UGT1A5: variants seen among roughly 807,000 people sequenced by gnomAD.
The protein encoded by UGT1A5 is UDP glucuronosyltransferase family 1 member A5, also known as UDP-glucuronosyltransferase 1A5.
UGT1A5 carries 29 observed loss-of-function variants against 40.3 expected under a neutral mutation model. That is an observed-to-expected ratio of 0.72 (90% CI 0.54 to 0.98). The LOEUF is 0.98. Among genes scored for constraint, UGT1A5 ranks in the 50% least tolerant of loss-of-function variants. The probability of loss-of-function intolerance (pLI) is 0.00; values close to 1 mark genes in which losing one functional copy is unlikely to be tolerated. For missense variants in UGT1A5, 678 were observed against 677.9 expected, an observed-to-expected ratio of 1.00 and a Z score of 0.00; for synonymous variants, 257 against 262.5, an observed-to-expected ratio of 0.98 and a Z score of 0.20.
At chr2:233,726,272 G>A (rs896187781) in intron 1 of UGT1A5, among the ~76,000 whole-genome samples, 1 of 152,166 alleles carries the variant, frequency 6.6e-6, no homozygotes, top group African/African-American at 2.4e-5. Flanking sequence ...ATGCGCCTAT[G>A]GTCCCAGGTA....
At chr2:233,747,707 A>G (rs1693758037) in intron 1 of UGT1A5, 3 of 1,612,682 alleles carry the variant, frequency 1.9e-6, no homozygotes, top group African/African-American at 1.3e-5. Flanking sequence ...CTAAGTACCT[A>G]TCAATTCCTG....
intron 2 of UGT1A5, among the ~76,000 whole-genome samples, 198 bp downstream of exon 2, chr2:233,767,363 TTAAA>T (rs1699378447): frequency 6.6e-6 from 1 of 152,194 alleles, no homozygotes; most frequent in African/African-American, 2.4e-5. Context: ...AAATACTCTA[TTAAA>T]CTATGATCCA....
chr2:233,736,731 G>A (rs2078799563), intron 1 of UGT1A5, among the ~76,000 whole-genome samples: 1 of 151,600 alleles, frequency 6.6e-6, no homozygotes, highest in Non-Finnish European at 1.5e-5. Context: ...TGATGTTTAT[G>A]CTGTTCCTTT....
At chr2:233,738,677 A>G (rs1328958529) in intron 1 of UGT1A5, among the ~76,000 whole-genome samples, 1 of 152,198 alleles carries the variant, frequency 6.6e-6, no homozygotes, top group African/African-American at 2.4e-5. Context: ...AGATGATCTG[A>G]AATTGGAACT....
rs529320907 is a variant in UGT1A5 at position 233,713,045 on chromosome 2, T to C, written c.54T>C (p.Leu18=). The C allele has an allele frequency of 6.2e-6, 10 of 1,614,044 alleles. No homozygotes were observed. The Admixed American group carries it at 6.7e-5, about 11-fold the overall frequency. ...PLPQLATGLL[L]LLSVQPWAES... ...CGCAGCTGGCCACAGGACTGCTGCT[T>C]CTCCTCAGTGTCCAGCCCTGGGCTG... Residue 18 remains leucine, a synonymous_variant, in exon 1 of 5, where the codon CTT becomes CTC. Coordinates refer to ENST00000373414, the MANE Select transcript of UGT1A5 (RefSeq NM_019078.2).
intron 1 of UGT1A5, among the ~76,000 whole-genome samples, chr2:233,763,508 A>G (rs1374305000): frequency 6.6e-6 from 1 of 152,166 alleles, no homozygotes; most frequent in Non-Finnish European, 1.5e-5. Context: ...CTTTATGTTT[A>G]GTTGACTTTG....
chr2:233,754,186 C>T (rs1695414743), intron 1 of UGT1A5: 1 of 159,716 alleles, frequency 6.3e-6, no homozygotes, highest in Non-Finnish European at 1.4e-5. Flanking sequence ...ATTTCACCAC[C>T]ACACAGTAAA....
chr2:233,718,875 C>G, intron 1 of UGT1A5: 1 of 1,613,984 alleles, frequency 6.2e-7, no homozygotes, highest in Non-Finnish European at 8.5e-7. Context: ...ACTGCTGCTC[C>G]TCCTCAGTGT....
chr2:233,725,091 G>T (rs1474788345), intron 1 of UGT1A5, among the ~76,000 whole-genome samples: 2 of 144,822 alleles, frequency 1.4e-5, no homozygotes, highest in African/African-American at 5.2e-5. Context: ...GCAGGCTGAG[G>T]CAGGAGAATC....
At chr2:233,736,971 T>A (rs1183929377) in intron 1 of UGT1A5, among the ~76,000 whole-genome samples, 4 of 152,178 alleles carry the variant, frequency 2.6e-5, no homozygotes, top group Non-Finnish European at 5.9e-5. Flanking sequence ...GGGAGGTGTT[T>A]CCCAGTCAAG....
chr2:233,731,908 A>T (rs2078219373), intron 1 of UGT1A5, among the ~76,000 whole-genome samples: 1 of 152,202 alleles, frequency 6.6e-6, no homozygotes, highest in African/African-American at 2.4e-5. Flanking sequence ...CCAATGGTGT[A>T]AAAGTGTTCC....
At chr2:233,740,325 T>C (rs1691364696) in intron 1 of UGT1A5, among the ~76,000 whole-genome samples, 1 of 151,932 alleles carries the variant, frequency 6.6e-6, no homozygotes, top group Non-Finnish European at 1.5e-5. Context: ...AATCTGCATT[T>C]ATTGAGAAAG....
intron 1 of UGT1A5, among the ~76,000 whole-genome samples, chr2:233,763,113 C>T (rs529760384): frequency 4.9e-4 from 74 of 152,338 alleles, no homozygotes; most frequent in African/African-American, 1.7e-3. Flanking sequence ...ACTTTATCAG[C>T]TGCCTTTCTG....
At chr2:233,744,517 G>A (rs1213288029) in intron 1 of UGT1A5, among the ~76,000 whole-genome samples, 1 of 151,928 alleles carries the variant, frequency 6.6e-6, no homozygotes, top group African/African-American at 2.4e-5. Context: ...TGACACAATA[G>A]CAAATCTTAT....
intron 1 of UGT1A5, among the ~76,000 whole-genome samples, chr2:233,720,026 G>A (rs1302050187): frequency 6.6e-6 from 1 of 152,126 alleles, no homozygotes; most frequent in Non-Finnish European, 1.5e-5. Flanking sequence ...TGGGGTTTTT[G>A]CTTGCCTGAT....
At chr2:233,719,767 A>G (rs1291617855) in intron 1 of UGT1A5, 8 of 1,611,870 alleles carry the variant, frequency 5.0e-6, no homozygotes, top group Non-Finnish European at 6.8e-6. Context: ...AAGTGCTTCC[A>G]TATCTACTTA....
chr2:233,724,151 G>A (rs2077177263), intron 1 of UGT1A5, among the ~76,000 whole-genome samples: 1 of 124,618 alleles, frequency 8.0e-6, no homozygotes, highest in African/African-American at 3.6e-5. Flanking sequence ...CGGCTGGCCG[G>A]GTGGGGGGGC....
At chr2:233,716,520 C>G (rs2076508094) in intron 1 of UGT1A5, among the ~76,000 whole-genome samples, 1 of 152,162 alleles carries the variant, frequency 6.6e-6, no homozygotes, top group Non-Finnish European at 1.5e-5. Flanking sequence ...CTCAGCTTAC[C>G]ATTCAATTAT....
At chr2:233,751,583 A>G (rs1290710025) in intron 1 of UGT1A5, among the ~76,000 whole-genome samples, 1 of 152,192 alleles carries the variant, frequency 6.6e-6, no homozygotes, top group Non-Finnish European at 1.5e-5. Flanking sequence ...CATAATTCCC[A>G]TGTGTTAAGG....
Sources: allele counts gnomAD v4.1 joint callset (sites outside exome capture counted in the v4.1 genomes callset), GRCh38; gene constraint gnomAD v4.1.1; transcripts MANE v1.5; gene names NCBI Gene and HGNC (gene_info 2026-07-23, HGNC 2026-07-21).